Variants in TLN2 observed in about 807,000 individuals in gnomAD.
TLN2 encodes the protein talin-2.
A neutral mutation model predicts 294.7 loss-of-function variants in TLN2; 118 were observed. That is an observed-to-expected ratio of 0.40 (90% CI 0.34 to 0.47). The LOEUF (loss-of-function observed/expected upper bound fraction) is 0.47, where lower values mean the gene tolerates loss of function less well. Among genes scored for constraint, TLN2 ranks in the 20% least tolerant of loss-of-function variants. TLN2 has a pLI of 0.84. For synonymous variants in TLN2, 1,431 were observed against 1,304.5 expected (o/e 1.10, Z -2.09); for missense variants, 3,083 against 3,282.2 (o/e 0.94, Z 1.48).
intron 1 of TLN2, among the ~76,000 whole-genome samples, chr15:62,400,586 T>C (rs1322304438): frequency 6.6e-6 from 1 of 152,202 alleles, no homozygotes; most frequent in Non-Finnish European, 1.5e-5. Context: ...CTGGTTTTTT[T>C]CATGTCATAC....
At chr15:62,647,187 T>A in intron 3 of TLN2, 88 bp from the exon 4 acceptor site, 1 of 1,266,944 alleles carries the variant, frequency 7.9e-7, no homozygotes, top group Non-Finnish European at 1.1e-6. Context: ...TTAAAGTTGA[T>A]TTTAAAGTCC....
chr15:62,408,941 ACAGC>A (rs2033597412), intron 1 of TLN2, among the ~76,000 whole-genome samples: 1 of 144,462 alleles, frequency 6.9e-6, no homozygotes, highest in South Asian at 2.2e-4. Flanking sequence ...ATTACAGGTG[ACAGC>A]CAGCATGCCT....
intron 1 of TLN2, among the ~76,000 whole-genome samples, chr15:62,535,556 A>T (rs1376941448): frequency 3.6e-5 from 5 of 139,738 alleles, no homozygotes; most frequent in African/African-American, 8.0e-5. Context: ...AGATAACTTG[A>T]TTTTTTTTTT....
rs1366273745 is a variant in TLN2, at chr15:62,841,528, A to ACAAG, written c.*920_*923dup. 3 of 152,168 alleles carry ACAAG rather than the reference A, an allele frequency of 2.0e-5. No individual in the cohort carries two copies. The highest frequency in any genetic ancestry group is 2.0e-4 in the Admixed American group (3 of 15,260). 9.4% of individuals were successfully genotyped at this position (152,168 alleles called of 1,614,324 possible). ...TGGTTTCTGTGCCTTCAGAATGGTCACAAGCCCGGATTGGAAAGGATCTGC... is the reference window on the plus strand; with the variant it reads ...TGGTTTCTGTGCCTTCAGAATGGTCACAAGCAAGCCCGGATTGGAAAGGATCTGC... On this transcript the variant is annotated 3_prime_UTR_variant, in exon 59 of 59. Coordinates refer to ENST00000636159, the MANE Select transcript of TLN2 (RefSeq NM_015059.3).
chr15:62,585,351 C>T (rs1471705933), intron 1 of TLN2, among the ~76,000 whole-genome samples: 1 of 152,072 alleles, frequency 6.6e-6, no homozygotes, highest in Non-Finnish European at 1.5e-5. Flanking sequence ...TATTGGATTC[C>T]AGACACCATG....
intron 45 of TLN2, chr15:62,784,765 T>A (rs1296101650): frequency 1.3e-5 from 2 of 152,230 alleles, no homozygotes; most frequent in African/African-American, 4.8e-5. Flanking sequence ...TTATATTCTG[T>A]GAAATTCAGC....
chr15:62,768,362 C>A (rs953234001), intron 41 of TLN2, among the ~76,000 whole-genome samples: 1 of 152,176 alleles, frequency 6.6e-6, no homozygotes, highest in African/African-American at 2.4e-5. Flanking sequence ...CCTTGACTGT[C>A]GCGCTGATCC....
At chr15:62,727,850 T>C (rs1230712743) in intron 28 of TLN2, among the ~76,000 whole-genome samples, 1 of 152,196 alleles carries the variant, frequency 6.6e-6, no homozygotes, top group African/African-American at 2.4e-5. Context: ...AAAATATGTA[T>C]GGAAGGAAAG....
chr15:62,835,910 C>T lies in TLN2; in HGVS notation c.7211C>T (p.Ala2404Val), dbSNP rs769951308. The change falls in exon 57 of 59, where the codon GCG (alanine) becomes GTG (valine). Residue 2404 changes from alanine to valine, a missense_variant. Physicochemically the swap from Ala to Val is moderately conservative, Grantham distance 64. Transcript: ENST00000636159. ...LISAARMVAA[A>V]TSSLCEAANA... ...CCCCAGGCCCGGATGGTGGCGGCTG[C>T]GACCAGCAGTCTCTGTGAGGCGGCC... is the stretch of plus-strand genomic sequence containing the variant. The T allele has an allele frequency of 1.5e-5, 24 of 1,614,054 alleles. No homozygotes were observed. The highest frequency in any genetic ancestry group is 4.0e-5 in the African/African-American group (3 of 74,928).
At chr15:62,422,704 C>T (rs564867368) in intron 1 of TLN2, among the ~76,000 whole-genome samples, 1 of 152,278 alleles carries the variant, frequency 6.6e-6, no homozygotes, top group East Asian at 1.9e-4. Flanking sequence ...GCTCCAGAAC[C>T]ACTCCCATCC....
At chr15:62,839,781 C>T (rs774160416) in intron 58 of TLN2, among the ~76,000 whole-genome samples, 5 of 152,188 alleles carry the variant, frequency 3.3e-5, no homozygotes, top group Non-Finnish European at 5.9e-5. Context: ...TTTCTCCATG[C>T]GCTAATTTCA....
At position 62,763,603 on chromosome 15, in the gene TLN2, G is replaced by A. The variant is rs149627024; in HGVS notation, c.5002G>A (p.Asp1668Asn). ...PGQRECDYSI[D>N]GINRCIRDIE... ...ACAGAGGGAGTGTGATTACTCCATC[G>A]ATGGCATCAACCGGTGCATCCGGGA... The change falls in exon 40 of 59, where the codon GAT becomes AAT. Residue 1668 changes from aspartate (D) to asparagine (N), a missense_variant. Physicochemically the swap from Asp to Asn is conservative, Grantham distance 23 (BLOSUM62 1). Coordinates refer to ENST00000636159, the MANE Select transcript of TLN2 (RefSeq NM_015059.3). 68 of 1,613,568 alleles carry A rather than the reference G, an allele frequency of 4.2e-5. No individual in the cohort carries two copies. The highest frequency in any genetic ancestry group is 6.6e-5 in the South Asian group (6 of 91,068).
At chr15:62,698,697 G>C in intron 15 of TLN2, 57 bp from the exon 16 acceptor site, 1 of 1,431,416 alleles carries the variant, frequency 7.0e-7, no homozygotes, top group Non-Finnish European at 9.7e-7. Context: ...TTTGCATAAA[G>C]GGCCATGTCG....
At chr15:62,588,958 C>T (rs1021368065) in intron 1 of TLN2, among the ~76,000 whole-genome samples, 17 of 151,646 alleles carry the variant, frequency 1.1e-4, no homozygotes, top group Admixed American at 1.1e-3. Context: ...GTAGAGTTTT[C>T]TTTCCTAAAT....
intron 1 of TLN2, among the ~76,000 whole-genome samples, chr15:62,398,804 G>A (rs2032770567): frequency 6.6e-6 from 1 of 152,204 alleles, no homozygotes; most frequent in Non-Finnish European, 1.5e-5. Flanking sequence ...AGGTGACAGA[G>A]CATAAAAGTT....
chr15:62,451,840 G>A (rs1031757438), intron 1 of TLN2, among the ~76,000 whole-genome samples: 23 of 152,134 alleles, frequency 1.5e-4, no homozygotes, highest in African/African-American at 5.5e-4. Context: ...ATATCAAGCC[G>A]CTAGAGTGCC....
chr15:62,614,418 A>G lies in TLN2; in HGVS notation c.-161-3933A>G, dbSNP rs28434303. On this transcript the variant is annotated intron_variant, in intron 2 of 58. Transcript: ENST00000636159. ...TGACTTTATAATTAGTCATTACAGC[A>G]TCAACTATCCTAAAAGTTTTTGTAA... Among the ~76,000 whole-genome samples the G allele has an allele frequency of 2.5e-3, 386 of 152,302 alleles. 3 individuals carry two copies. The highest frequency in any genetic ancestry group is 9.0e-3 in the African/African-American group (376 of 41,572).
chr15:62,564,905 CA>C (rs60087745), intron 1 of TLN2, among the ~76,000 whole-genome samples: 9,453 of 112,206 alleles, frequency 0.084, 464 homozygotes, highest in East Asian at 0.24. Context: ...AACTCCATCT[CA>C]AAAAAAAAAA....
At position 62,717,574 on chromosome 15, in the gene TLN2, A is replaced by G; in HGVS notation, c.2764-2A>G. The G allele has an allele frequency of 6.4e-7, 1 of 1,555,468 alleles. No homozygotes were observed. On this transcript the variant is annotated splice_acceptor_variant, in intron 23 of 58. Coordinates refer to ENST00000636159, the MANE Select transcript of TLN2 (RefSeq NM_015059.3). LOFTEE classifies it high-confidence loss of function. ...CCTGACTCATCTATCACTCCTCTGCAGGTTGCAGCCAAGCAGGCCGCAGCG... is the reference window on the plus strand; with the variant it reads ...CCTGACTCATCTATCACTCCTCTGCGGGTTGCAGCCAAGCAGGCCGCAGCG...
Sources: gnomAD v4.1 joint callset for allele counts (sites outside exome capture counted in the v4.1 genomes callset) on GRCh38, gnomAD v4.1.1 for gene constraint, MANE v1.5 for transcripts, NCBI Gene and HGNC (gene_info 2026-07-23, HGNC 2026-07-21) for gene names.